Variants in MTFR1L observed in about 807,000 individuals in gnomAD.
MTFR1L encodes mitochondrial fission regulator 1 like.
MTFR1L carries 10 observed loss-of-function variants against 27.9 expected under a neutral mutation model. The observed-to-expected ratio is 0.36, with a 90% CI of 0.22 to 0.61. The LOEUF (loss-of-function observed/expected upper bound fraction) is 0.61. Ranked by LOEUF, MTFR1L falls within the 20% of genes least tolerant of loss-of-function variation. The probability of loss-of-function intolerance (pLI) is 0.73; values close to 1 mark genes in which losing one functional copy is unlikely to be tolerated. For missense variants in MTFR1L, 315 were observed against 363.7 expected (o/e 0.87, Z 1.09); for synonymous variants, 151 against 139.4 (o/e 1.08, Z -0.58).
At chr1:25,823,274 C>T (rs901393803) in intron 2 of MTFR1L, 146 bp downstream of exon 2, 6 of 857,840 alleles carry the variant, frequency 7.0e-6, no homozygotes, top group East Asian at 2.5e-5. Flanking sequence ...GTTTCACTCC[C>T]TCCCCCTAAG....
intron 5 of MTFR1L, among the ~76,000 whole-genome samples, chr1:25,829,183 T>A (rs6669882): frequency 0.81 from 123,379 of 152,080 alleles, 50,251 homozygotes; most frequent in East Asian, 0.98. Flanking sequence ...AGCTCTTATC[T>A]CTGCTGCTTT....
In MTFR1L at chr1:25,826,643, T is replaced by A. The variant is rs766563409; in HGVS notation, c.268T>A (p.Trp90Arg). The stretch of plus-strand genomic sequence containing the variant: ...TGATACGCGCCCCCTGAGGCACACC[T>A]GGAAACCCAGCCCTCTGATTGTCAT... ...RSDTRPLRHT[W>R]KPSPLIVMQR... Residue 90 changes from tryptophan to arginine, a missense_variant, in exon 5 of 7, where the codon TGG becomes AGG. Coordinates refer to ENST00000374303, the MANE Select transcript of MTFR1L (RefSeq NM_001099625.2). This position sits in a 1 kb window ranked among gnomAD's most constrained non-coding sequence, Gnocchi z 4.1. 1.2e-6 allele frequency: 2 copies of A among 1,614,206 alleles called. No individual in the cohort carries two copies. The highest frequency in any genetic ancestry group is 1.7e-6 in the Non-Finnish European group (2 of 1,180,040).
chr1:25,828,915 T>C (rs1184666962), intron 5 of MTFR1L, among the ~76,000 whole-genome samples: 1 of 152,218 alleles, frequency 6.6e-6, no homozygotes, highest in Non-Finnish European at 1.5e-5. Flanking sequence ...TCTTGGCTAC[T>C]TTTTTGTCAT....
At chr1:25,820,080 C>G (rs1033410704) in intron 1 of MTFR1L, 51 bp downstream of exon 1, 4 of 423,280 alleles carry the variant, frequency 9.5e-6, no homozygotes, top group African/African-American at 2.1e-5. Flanking sequence ...CCTTCCAGCC[C>G]GTTAGTAGAC....
At chr1:25,831,374 T>C (rs2048238039) in intron 6 of MTFR1L, among the ~76,000 whole-genome samples, 1 of 152,202 alleles carries the variant, frequency 6.6e-6, no homozygotes, top group South Asian at 2.1e-4. Flanking sequence ...TTTGTTCCCA[T>C]GAGTTTCTTA....
rs1572246998 is a variant in MTFR1L at position 25,823,673 on chromosome 1, T to C, written c.54T>C (p.His18=). ...TCCCAATCTGGCAAAACAAGCCACA[T>C]GGGGCTGCTCGAAGTGTAGTAAGAA... is the stretch of plus-strand genomic sequence containing the variant. ...VTIPIWQNKP[H]GAARSVVRRI... Residue 18 remains histidine, a synonymous_variant, in exon 3 of 7, where the codon CAT becomes CAC. Transcript: ENST00000374303. The C allele has an allele frequency of 1.9e-6, 3 of 1,614,024 alleles. No individual in the cohort carries two copies. The highest frequency in any genetic ancestry group is 2.2e-5 in the South Asian group (2 of 91,084).
rs550412869 is a variant in MTFR1L at position 25,820,784 on chromosome 1, GCTCA to G, written c.-87+758_-87+761del. 306 of 437,736 alleles carry G rather than the reference GCTCA, an allele frequency of 7.0e-4. 7 individuals are homozygous for G. Among genetic ancestry groups the G allele is most frequent in the South Asian group, 4.8e-3 (296 of 62,008 alleles). The allele number at this position is 437,736 out of a possible 1,614,324, so 27.1% of individuals were successfully genotyped here. On this transcript the variant is annotated intron_variant, in intron 1 of 6. Coordinates refer to ENST00000374303, the MANE Select transcript of MTFR1L (RefSeq NM_001099625.2). Reference sequence around the variant, plus strand: ...TTCGTTTAGTTCAGCGCGTTGAAGCGCTCACTGTGTCCTAGGCAGACACCGTGCT... The same window carrying G: ...TTCGTTTAGTTCAGCGCGTTGAAGCGCTGTGTCCTAGGCAGACACCGTGCT...
Position 25,831,956 on chromosome 1 carries a change from T to C in MTFR1L, c.809T>C (p.Val270Ala), listed in dbSNP as rs774769196. Residue 270 changes from valine to alanine, a missense_variant, in exon 7 of 7, where the codon GTG (valine) becomes GCG (alanine). Transcript: ENST00000374303. ...RSLLKEEDPA[V>A]LISEVLRRKF... is the part of the protein sequence containing the mutation. ...TTATTGAAGGAGGAAGACCCTGCTG[T>C]GCTTATCTCTGAGGTCCTAAGGAGG... is the stretch of plus-strand genomic sequence containing the variant. 96 of 1,614,106 alleles carry C rather than the reference T, an allele frequency of 5.9e-5. No homozygotes were observed. Among genetic ancestry groups the C allele is most frequent in the Non-Finnish European group, 7.8e-5 (92 of 1,180,040 alleles).
Position 25,831,997 on chromosome 1 carries a change from G to C in MTFR1L, c.850G>C (p.Glu284Gln). Residue 284 changes from glutamate to glutamine, a missense_variant, in exon 7 of 7, where the codon GAA becomes CAA. By Grantham distance (29) the Glu-to-Gln change is conservative. Transcript: ENST00000374303. ...EVLRRKFALK[E>Q]EDISRKGN ...CCTAAGGAGGAAGTTTGCTCTAAAG[G>C]AAGAAGATATCAGTAGAAAAGGAAA... The C allele has an allele frequency of 2.5e-6, 4 of 1,614,174 alleles. No individual in the cohort carries two copies. The South Asian group carries it at 4.4e-5, about 18-fold the overall frequency.
intron 2 of MTFR1L, 94 bp from the exon 3 acceptor site, chr1:25,823,550 G>A: frequency 5.8e-6 from 9 of 1,543,448 alleles, no homozygotes. Flanking sequence ...TAGGTTTGTG[G>A]AATTCAGTCT....
chr1:25,827,176 G>A (rs773702312), intron 5 of MTFR1L, among the ~76,000 whole-genome samples: 3 of 151,088 alleles, frequency 2.0e-5, no homozygotes, highest in African/African-American at 4.9e-5. Context: ...TTGCTCTGTC[G>A]CCCAGGCTGG....
In MTFR1L at chr1:25,826,819, T is replaced by C; in HGVS notation, c.444T>C (p.Ala148=). 1 of 1,613,812 alleles carries C rather than the reference T, an allele frequency of 6.2e-7. No individual in the cohort carries two copies. Among genetic ancestry groups the C allele is most frequent in the Non-Finnish European group, 8.5e-7 (1 of 1,179,988 alleles). The change falls in exon 5 of 7, where the codon GCT becomes GCC. Residue 148 remains alanine, a synonymous_variant. Coordinates refer to ENST00000374303, the MANE Select transcript of MTFR1L (RefSeq NM_001099625.2). This position sits in a 1 kb window ranked among gnomAD's most constrained non-coding sequence, Gnocchi z 4.1. The stretch of plus-strand genomic sequence containing the variant: ...GCCAGATTGCAAAGATAGTGGCAGC[T>C]GATGCAGGTAGGAGCCCCTGTGCCA... The part of the protein sequence containing the change: ...LRSQIAKIVA[A]DAASASLTPD...
chr1:25,825,636 G>C (rs909384264), intron 3 of MTFR1L: 1 of 152,144 alleles, frequency 6.6e-6, no homozygotes, highest in Non-Finnish European at 1.5e-5. Flanking sequence ...TAACAATGTA[G>C]ATCTCAATTA....
rs145662884 is a variant in MTFR1L at position 25,822,810 on chromosome 1, G to A, written c.-86-209G>A. 2.0e-3 allele frequency: 1,187 copies of A among 602,100 alleles called. 17 individuals carry two copies. Among genetic ancestry groups the A allele is most frequent in the African/African-American group, 0.018 (988 of 53,668 alleles). 37.3% of individuals were successfully genotyped at this position (602,100 alleles called of 1,614,324 possible). A position where few individuals can be genotyped will look rare whatever the true frequency, so the allele number is the denominator to read the frequency against. On this transcript the variant is annotated intron_variant, in intron 1 of 6. Transcript: ENST00000374303. ...CAAAGTGCTGGGATTACAGATGTGA[G>A]CCACTGCGCCTGGCCGCAGATCTTT...
Position 25,829,606 on chromosome 1 carries a change from C to T in MTFR1L, c.549C>T (p.Ser183=). The T allele has an allele frequency of 3.1e-6, 5 of 1,614,204 alleles. No homozygotes were observed. The highest frequency in any genetic ancestry group is 4.2e-6 in the Non-Finnish European group (5 of 1,180,024). Residue 183 remains serine (S), a synonymous_variant, in exon 6 of 7, where the codon TCC becomes TCT. Coordinates refer to ENST00000374303, the MANE Select transcript of MTFR1L (RefSeq NM_001099625.2). ...CFGSSFHSTT[S]FVISDITEET... ...GATCCTCATTCCACTCTACAACTTC[C>T]TTTGTCATTAGTGACATCACCGAGG...
At chr1:25,820,868 C>G in intron 1 of MTFR1L, 1 of 377,346 alleles carries the variant, frequency 2.7e-6, no homozygotes, top group South Asian at 1.9e-5. Flanking sequence ...GAGGGACAGG[C>G]AGGGTGCTGC....
At chr1:25,820,635 C>G in intron 1 of MTFR1L, 1 of 414,180 alleles carries the variant, frequency 2.4e-6, no homozygotes, top group Non-Finnish European at 4.7e-6. Flanking sequence ...CAACTGCAGC[C>G]TCCGGAGGGC....
chr1:25,823,448 T>G, intron 2 of MTFR1L, 196 bp from the exon 3 acceptor site: 1 of 851,480 alleles, frequency 1.2e-6, no homozygotes, highest in Non-Finnish European at 1.9e-6. Flanking sequence ...AGGTATTCCC[T>G]TGGGTGGCTG....
Position 25,823,035 on chromosome 1 carries a change from G to C in MTFR1L, c.-70G>C, listed in dbSNP as rs771351269. ...CTCCTCCAGATGGCCTGATATGAAG[G>C]AGTCACGCCTCCCGCCTCCCGGAGC... is the stretch of plus-strand genomic sequence containing the variant. On this transcript the variant is annotated 5_prime_UTR_variant, in exon 2 of 7. Coordinates refer to ENST00000374303, the MANE Select transcript of MTFR1L (RefSeq NM_001099625.2). 6.2e-7 allele frequency: 1 copy of C among 1,613,816 alleles called. No individual in the cohort carries two copies. The highest frequency in any genetic ancestry group is 8.5e-7 in the Non-Finnish European group (1 of 1,179,934).
Sources: gnomAD v4.1 joint callset for allele counts (sites outside exome capture counted in the v4.1 genomes callset) on GRCh38, gnomAD v4.1.1 for gene constraint, Gnocchi (gnomAD v3.1) non-coding constraint, MANE v1.5 for transcripts, NCBI Gene and HGNC (gene_info 2026-07-23, HGNC 2026-07-21) for gene names.